Variants in ESRRB observed in about 807,000 individuals in gnomAD.
ESRRB encodes estrogen related receptor beta, also known as steroid hormone receptor ERR2.
ESRRB carries 16 observed loss-of-function variants against 46.0 expected under a neutral mutation model. The ratio of observed to expected loss-of-function variants is 0.35; its 90% CI spans 0.24 to 0.53. The LOEUF (loss-of-function observed/expected upper bound fraction) is 0.53. ESRRB is among the 20% of genes least tolerant of loss of function. The pLI is 0.93. For synonymous variants in ESRRB, 246 were observed against 259.6 expected (o/e 0.95, Z 0.50); for missense variants, 488 against 607.4 (o/e 0.80, Z 2.07).
chr14:76,332,663 TA>T (rs1417077506), intron 1 of ESRRB, among the ~76,000 whole-genome samples: 4 of 29,768 alleles, frequency 1.3e-4, no homozygotes, highest in African/African-American at 3.1e-4. Flanking sequence ...AAATATATAT[TA>T]TATATATTTA....
At chr14:76,484,934 C>T (rs1397505264) in intron 5 of ESRRB, among the ~76,000 whole-genome samples, 1 of 152,192 alleles carries the variant, frequency 6.6e-6, no homozygotes, top group Non-Finnish European at 1.5e-5. Flanking sequence ...AGTGTGTACA[C>T]CGGGTGAATG....
chr14:76,357,832 T>G (rs1884401683), intron 1 of ESRRB, among the ~76,000 whole-genome samples: 1 of 152,150 alleles, frequency 6.6e-6, no homozygotes, highest in African/African-American at 2.4e-5. Flanking sequence ...TTTTAAATAG[T>G]GTTTATGAAA....
intron 1 of ESRRB, among the ~76,000 whole-genome samples, chr14:76,438,123 T>C (rs921477710): frequency 6.6e-6 from 1 of 151,512 alleles, no homozygotes; most frequent in Non-Finnish European, 1.5e-5. Context: ...GGAAGGGAAA[T>C]GAGAGAGGGA....
At chr14:76,418,894 C>T (rs1316389136) in intron 1 of ESRRB, among the ~76,000 whole-genome samples, 1 of 152,094 alleles carries the variant, frequency 6.6e-6, no homozygotes, top group Non-Finnish European at 1.5e-5. Context: ...GCTGGAATTA[C>T]AGGTGTGAGC....
chr14:76,404,866 G>A (rs1886108799), intron 1 of ESRRB, among the ~76,000 whole-genome samples: 2 of 152,102 alleles, frequency 1.3e-5, no homozygotes, highest in South Asian at 4.1e-4. Context: ...ATCTCTAATG[G>A]TCATTCCCCT....
chr14:76,319,202 A>C (rs910218787), intron 1 of ESRRB, among the ~76,000 whole-genome samples: 13 of 152,350 alleles, frequency 8.5e-5, no homozygotes, highest in African/African-American at 3.1e-4. Flanking sequence ...TCATCTCTGC[A>C]CAGGGCCAAT....
intron 1 of ESRRB, among the ~76,000 whole-genome samples, chr14:76,356,626 G>A (rs1348130546): frequency 6.6e-6 from 1 of 152,194 alleles, no homozygotes; most frequent in Non-Finnish European, 1.5e-5. Flanking sequence ...ATGGCCCCAT[G>A]TGTGCACCCT....
intron 1 of ESRRB, among the ~76,000 whole-genome samples, chr14:76,421,666 G>A (rs985634945): frequency 6.6e-6 from 1 of 152,182 alleles, no homozygotes; most frequent in Admixed American, 6.5e-5. Flanking sequence ...ACTCCACAAA[G>A]CAGCAGGGGC....
chr14:76,439,046 C>T (rs1412922726), intron 1 of ESRRB, among the ~76,000 whole-genome samples: 1 of 152,000 alleles, frequency 6.6e-6, no homozygotes, highest in Non-Finnish European at 1.5e-5. Flanking sequence ...CGATGATCCT[C>T]CCCGCTCAGC....
chr14:76,477,755 C>T (rs967837731), intron 3 of ESRRB, among the ~76,000 whole-genome samples: 1 of 152,034 alleles, frequency 6.6e-6, no homozygotes, highest in African/African-American at 2.4e-5. Flanking sequence ...TTTTTAACAG[C>T]GTAATCTGAT....
Position 76,482,023 on chromosome 14 carries a change from C to T in ESRRB, c.585C>T (p.Arg195=), listed in dbSNP as rs764772151. 6.2e-7 allele frequency: 1 copy of T among 1,613,996 alleles called. No individual in the cohort carries two copies. The highest frequency in any genetic ancestry group is 1.3e-5 in the African/African-American group (1 of 74,922). The change falls in exon 4 of 7, where the codon CGC becomes CGT. Residue 195 remains arginine, a synonymous_variant. Transcript: ENST00000644823. The surrounding 1 kb of genome is among the most constrained non-coding windows in gnomAD (Gnocchi z 4.3). ...CCCTTTCCTCCCCAATAGGTGTGCG[C>T]CTTGATCGAGTGCGTGGAGGCCGTC... The part of the protein sequence containing the change: ...LKVGMLKEGV[R]LDRVRGGRQK...
intron 1 of ESRRB, among the ~76,000 whole-genome samples, chr14:76,317,223 G>A (rs1302976342): frequency 1.3e-5 from 2 of 152,074 alleles, no homozygotes; most frequent in African/African-American, 4.8e-5. Context: ...ATCTCTTGGG[G>A]ACAAGTGGCT....
intron 2 of ESRRB, among the ~76,000 whole-genome samples, chr14:76,460,907 T>C (rs893592546): frequency 3.9e-5 from 6 of 152,048 alleles, no homozygotes; most frequent in Non-Finnish European, 7.4e-5. Context: ...GGTTTCACCG[T>C]ATTGGCCAGG....
chr14:76,457,967 G>A (rs916045518), intron 2 of ESRRB, among the ~76,000 whole-genome samples: 24 of 152,134 alleles, frequency 1.6e-4, no homozygotes, highest in Non-Finnish European at 2.5e-4. Flanking sequence ...GAGCCACTGC[G>A]CCTGGCCTGA....
intron 3 of ESRRB, among the ~76,000 whole-genome samples, chr14:76,475,569 C>T (rs903107070): frequency 1.3e-5 from 2 of 152,196 alleles, no homozygotes; most frequent in African/African-American, 4.8e-5. Context: ...TATCCACGGA[C>T]ACTTGGGTTG....
intron 1 of ESRRB, among the ~76,000 whole-genome samples, chr14:76,403,778 G>T (rs543359467): frequency 1.3e-5 from 2 of 152,106 alleles, no homozygotes; most frequent in East Asian, 1.9e-4. Context: ...CCAGGCTGGA[G>T]TGCAATGGCA....
chr14:76,329,774 G>T (rs1016188453), intron 1 of ESRRB, among the ~76,000 whole-genome samples: 2 of 152,114 alleles, frequency 1.3e-5, no homozygotes, highest in Non-Finnish European at 2.9e-5. Context: ...GTCCCAGCAG[G>T]TGTTCCCTAA....
At chr14:76,378,368 A>G (rs1361607720) in intron 1 of ESRRB, among the ~76,000 whole-genome samples, 1 of 152,146 alleles carries the variant, frequency 6.6e-6, no homozygotes, top group Non-Finnish European at 1.5e-5. Context: ...TATGGGCAAA[A>G]AGGCAATGTC....
At chr14:76,407,444 G>A in intron 1 of ESRRB, 3 of 707,428 alleles carry the variant, frequency 4.2e-6, no homozygotes, top group Non-Finnish European at 5.2e-6. Context: ...ATCGAGCAGA[G>A]CCACCAGGCT....
Sources: allele counts gnomAD v4.1 joint callset (sites outside exome capture counted in the v4.1 genomes callset), GRCh38; gene constraint gnomAD v4.1.1; non-coding constraint Gnocchi (gnomAD v3.1); transcripts MANE v1.5; gene names NCBI Gene and HGNC (gene_info 2026-07-23, HGNC 2026-07-21).